The following ZSWIM5 variants were observed in gnomAD, a reference collection of about 807,000 sequenced individuals.
ZSWIM5 encodes zinc finger SWIM-type containing 5, also known as zinc finger SWIM domain-containing protein 5.
A neutral mutation model predicts 119.6 loss-of-function variants in ZSWIM5; 55 were observed. That is an observed-to-expected ratio of 0.46 (90% CI 0.37 to 0.58). The LOEUF is 0.58. Ranked by LOEUF, ZSWIM5 falls within the 20% of genes least tolerant of loss-of-function variation. The pLI, the probability that ZSWIM5 is intolerant of heterozygous loss-of-function variation, is 0.00. For missense variants in ZSWIM5, 1,193 were observed against 1,512.8 expected (o/e 0.79, Z 3.51); for synonymous variants, 537 against 606.9 (o/e 0.88, Z 1.69).
intron 1 of ZSWIM5, among the ~76,000 whole-genome samples, chr1:45,158,853 T>C (rs112259686): frequency 0.014 from 2,182 of 152,218 alleles, 64 homozygotes; most frequent in African/African-American, 0.051. Flanking sequence ...TGGGAAGAGA[T>C]TAATATGTCT....
intron 1 of ZSWIM5, among the ~76,000 whole-genome samples, chr1:45,145,901 G>C (rs1645756776): frequency 6.6e-6 from 1 of 152,182 alleles, no homozygotes; most frequent in Non-Finnish European, 1.5e-5. Context: ...AACAAGGTAG[G>C]AGAAAAACTA....
At chr1:45,165,685 ACAT>A (rs1645897343) in intron 1 of ZSWIM5, among the ~76,000 whole-genome samples, 1 of 152,164 alleles carries the variant, frequency 6.6e-6, no homozygotes, top group Non-Finnish European at 1.5e-5. Context: ...AACACTATAA[ACAT>A]CTCTGCACAA....
chr1:45,063,777 G>C (rs1479574177), intron 2 of ZSWIM5, among the ~76,000 whole-genome samples: 1 of 152,046 alleles, frequency 6.6e-6, no homozygotes, highest in East Asian at 1.9e-4. Context: ...CGGATCATGA[G>C]GTCAGGAGAT....
chr1:45,039,365 C>T (rs1645005285), intron 7 of ZSWIM5, among the ~76,000 whole-genome samples: 1 of 152,182 alleles, frequency 6.6e-6, no homozygotes, highest in South Asian at 2.1e-4. Context: ...CAGGCACATG[C>T]CACCATGCCC....
At chr1:45,197,580 G>C (rs1033225621) in intron 1 of ZSWIM5, among the ~76,000 whole-genome samples, 1 of 151,804 alleles carries the variant, frequency 6.6e-6, no homozygotes, top group Non-Finnish European at 1.5e-5. Flanking sequence ...TTCTAGTTTC[G>C]GGCTATTATG....
intron 1 of ZSWIM5, among the ~76,000 whole-genome samples, chr1:45,141,025 C>T (rs1039480859): frequency 1.1e-4 from 17 of 152,194 alleles, no homozygotes; most frequent in Admixed American, 3.3e-4. Flanking sequence ...GGAAAAAGAA[C>T]TCCTAATACT....
chr1:45,122,972 C>T (rs539116501), intron 1 of ZSWIM5, among the ~76,000 whole-genome samples: 2 of 152,094 alleles, frequency 1.3e-5, no homozygotes, highest in Non-Finnish European at 2.9e-5. Context: ...GTAACGAGGC[C>T]ACCACCCTTC....
rs1646191793 is a variant in ZSWIM5, at chr1:45,206,374, G to C, written c.-24C>G. On this transcript the variant is annotated 5_prime_UTR_variant, in exon 1 of 14. Transcript: ENST00000359600. Reference sequence around the variant, plus strand: ...ATTGCTGGGGACTGACTGACTGACTGAGGCGGCGGCGGCTGCTCGGGCTGC... The same window carrying C: ...ATTGCTGGGGACTGACTGACTGACTCAGGCGGCGGCGGCTGCTCGGGCTGC... 1 of 1,364,702 alleles carries C rather than the reference G, an allele frequency of 7.3e-7. No homozygotes were observed. Among genetic ancestry groups the C allele is most frequent in the Non-Finnish European group, 9.4e-7 (1 of 1,061,088 alleles). 84.5% of individuals were successfully genotyped at this position (1,364,702 alleles called of 1,614,324 possible).
At chr1:45,032,478 G>A (rs903931077) in intron 11 of ZSWIM5, among the ~76,000 whole-genome samples, 7 of 115,042 alleles carry the variant, frequency 6.1e-5, no homozygotes, top group Non-Finnish European at 1.2e-4. Flanking sequence ...ATTCTAGTTT[G>A]ACAGTTTTTG....
intron 1 of ZSWIM5, among the ~76,000 whole-genome samples, chr1:45,204,112 A>T (rs181942698): frequency 1.3e-5 from 2 of 152,252 alleles, no homozygotes; most frequent in South Asian, 4.1e-4. Context: ...CACTTTAGTT[A>T]CTTTAAAAAT....
chr1:45,173,613 C>T (rs186206707), intron 1 of ZSWIM5, among the ~76,000 whole-genome samples: 13 of 152,188 alleles, frequency 8.5e-5, no homozygotes, highest in African/African-American at 3.1e-4. Context: ...CCCCACATAA[C>T]TATATAAATT....
chr1:45,106,011 G>A lies in ZSWIM5; in HGVS notation c.596-17774C>T, dbSNP rs12402537. 4.5e-3 allele frequency among the ~76,000 whole-genome samples: 635 copies of A among 140,962 alleles called. 17 individuals carry two copies. The highest frequency in any genetic ancestry group is 0.042 in the East Asian group (189 of 4,450). The allele number at this position is 140,962 out of a possible 152,430, so 92.5% of individuals were successfully genotyped here. ...TGGGAAGTGAGGAGCGCCTCTGCCCGGCCGCCCCGTCTGGGAGGTGAGGAG... is the reference window on the plus strand; with the variant it reads ...TGGGAAGTGAGGAGCGCCTCTGCCCAGCCGCCCCGTCTGGGAGGTGAGGAG... On this transcript the variant is annotated intron_variant, in intron 1 of 13. Transcript: ENST00000359600.
chr1:45,042,886 G>A (rs1019307290), intron 6 of ZSWIM5, among the ~76,000 whole-genome samples: 5 of 152,176 alleles, frequency 3.3e-5, no homozygotes, highest in Non-Finnish European at 5.9e-5. Context: ...TGTAATTTCA[G>A]AGTAGACTAT....
At position 45,181,265 on chromosome 1, in the gene ZSWIM5, G is replaced by C. The variant is rs537118081; in HGVS notation, c.595+24491C>G. On this transcript the variant is annotated intron_variant, in intron 1 of 13. Transcript: ENST00000359600. ...GGAGCTGATGGAGCTGAAAGCCAAG[G>C]CTCAAGAACTACGTGAAGAATGCAG... 6.8e-3 allele frequency among the ~76,000 whole-genome samples: 1,035 copies of C among 152,146 alleles called. 22 individuals carry two copies. Among genetic ancestry groups the C allele is most frequent in the African/African-American group, 0.024 (1,003 of 41,528 alleles).
intron 1 of ZSWIM5, among the ~76,000 whole-genome samples, chr1:45,183,373 G>A (rs1388868212): frequency 6.6e-6 from 1 of 152,068 alleles, no homozygotes; most frequent in Non-Finnish European, 1.5e-5. Flanking sequence ...TCAAAAACTA[G>A]CAGAAGGCAA....
intron 1 of ZSWIM5, among the ~76,000 whole-genome samples, chr1:45,186,012 C>T (rs1557792949): frequency 6.6e-6 from 1 of 151,894 alleles, no homozygotes; most frequent in African/African-American, 2.4e-5. Flanking sequence ...AAATGTCCAA[C>T]AATGATAGAC....
chr1:45,156,727 A>G (rs1645829049), intron 1 of ZSWIM5, among the ~76,000 whole-genome samples: 1 of 151,772 alleles, frequency 6.6e-6, no homozygotes, highest in African/African-American at 2.4e-5. Flanking sequence ...AAGTTAAAAA[A>G]AAAAAAAAAA....
At chr1:45,184,931 C>T (rs1256071901) in intron 1 of ZSWIM5, among the ~76,000 whole-genome samples, 4 of 152,146 alleles carry the variant, frequency 2.6e-5, no homozygotes, top group Non-Finnish European at 4.4e-5. Flanking sequence ...AAAAAGAGCC[C>T]TCATTGCCAA....
intron 1 of ZSWIM5, among the ~76,000 whole-genome samples, chr1:45,141,579 AAAC>A (rs1274686630): frequency 6.6e-6 from 1 of 152,216 alleles, no homozygotes. Context: ...CTGCCTACTA[AAAC>A]AACAACTATC....
Sources: allele counts gnomAD v4.1 joint callset (sites outside exome capture counted in the v4.1 genomes callset), GRCh38; gene constraint gnomAD v4.1.1; transcripts MANE v1.5; gene names NCBI Gene and HGNC (gene_info 2026-07-23, HGNC 2026-07-21).